COL14A1: variants seen among roughly 807,000 people sequenced by gnomAD.
COL14A1 encodes the protein collagen type XIV alpha 1 chain, also known as collagen alpha-1(XIV) chain.
Under a neutral mutation model 230.3 loss-of-function variants are expected in COL14A1, and 136 were observed. The ratio of observed to expected loss-of-function variants is 0.59; its 90% CI spans 0.51 to 0.68. The LOEUF is 0.68. Among genes scored for constraint, COL14A1 ranks in the 30% least tolerant of loss-of-function variants. COL14A1 has a pLI of 0.00. For missense variants in COL14A1, 1,976 were observed against 2,215.8 expected, an observed-to-expected ratio of 0.89 and a Z score of 2.17; for synonymous variants, 792 against 784.1, an observed-to-expected ratio of 1.01 and a Z score of -0.17.
At chr8:120,298,887 G>A (rs965832549) in intron 35 of COL14A1, among the ~76,000 whole-genome samples, 2 of 151,512 alleles carry the variant, frequency 1.3e-5, no homozygotes, top group South Asian at 2.1e-4. Flanking sequence ...AGTTTTGTAC[G>A]GCTGTGGAGG....
At chr8:120,140,217 C>T (rs190802548) in intron 1 of COL14A1, among the ~76,000 whole-genome samples, 3 of 152,304 alleles carry the variant, frequency 2.0e-5, no homozygotes, top group Admixed American at 2.0e-4. Flanking sequence ...ACCACCTGTG[C>T]TACCTTTCTG....
In COL14A1 at chr8:120,279,929, C is replaced by A. The variant is rs1819985259; in HGVS notation, c.3482-6C>A. The A allele has an allele frequency of 1.2e-6, 2 of 1,612,716 alleles. No individual in the cohort carries two copies. The highest frequency in any genetic ancestry group is 1.7e-5 in the Admixed American group (1 of 59,806). On this transcript the variant is annotated splice_region_variant and splice_polypyrimidine_tract_variant and intron_variant, in intron 28 of 47. Coordinates refer to ENST00000297848, the MANE Select transcript of COL14A1 (RefSeq NM_021110.4). ...TAATCGGAAATCTGTTCTCTGTCTG[C>A]CACAGGCTATAGCATTTTTGCAATT...
chr8:120,250,514 C>T (rs576235911), intron 21 of COL14A1, 103 bp from the exon 22 acceptor site: 64 of 1,256,596 alleles, frequency 5.1e-5, no homozygotes, highest in Admixed American at 1.3e-4. Flanking sequence ...GCTGTATAAT[C>T]CCAGGCAACT....
At chr8:120,167,367 A>G (rs1869830) in intron 4 of COL14A1, among the ~76,000 whole-genome samples, 97,729 of 152,064 alleles carry the variant, frequency 0.64, 31,749 homozygotes, top group African/African-American at 0.73. Context: ...GTAGCAATTA[A>G]TTGAAATACC....
At position 120,196,939 on chromosome 8, in the gene COL14A1, A is replaced by G. The variant is rs781319319; in HGVS notation, c.585A>G (p.Thr195=). Residue 195 remains threonine, a synonymous_variant, in exon 6 of 48, where the codon ACA becomes ACG. Coordinates refer to ENST00000297848, the MANE Select transcript of COL14A1 (RefSeq NM_021110.4). ...VTAFDVGSEK[T]RIGLAQYSGD... is the part of the protein sequence containing the mutation. Reference sequence around the variant, plus strand: ...CATTCGATGTGGGCTCAGAGAAGACACGAATTGGTATAATTTCTATTATTA... The same window carrying G: ...CATTCGATGTGGGCTCAGAGAAGACGCGAATTGGTATAATTTCTATTATTA... 1.9e-6 allele frequency: 3 copies of G among 1,613,876 alleles called. No individual in the cohort carries two copies. The highest frequency in any genetic ancestry group is 1.7e-6 in the Non-Finnish European group (2 of 1,179,882).
At chr8:120,371,073 TA>T in intron 47 of COL14A1, 78 bp from the exon 48 acceptor site, 1 of 1,273,410 alleles carries the variant, frequency 7.9e-7, no homozygotes, top group Non-Finnish European at 1.1e-6. Context: ...TCTGTGTCTC[TA>T]AGGACCCAGG....
chr8:120,130,489 C>A (rs1373934396), intron 1 of COL14A1, among the ~76,000 whole-genome samples: 1 of 152,068 alleles, frequency 6.6e-6, no homozygotes, highest in Non-Finnish European at 1.5e-5. Flanking sequence ...CTTATTCCTA[C>A]TTTACTGTTG....
chr8:120,208,425 A>G, intron 11 of COL14A1, 64 bp downstream of exon 11: 2 of 1,533,132 alleles, frequency 1.3e-6, no homozygotes, highest in South Asian at 1.2e-5. Flanking sequence ...CCTTTCTTAA[A>G]TTGAAATTCT....
Position 120,168,990 on chromosome 8 carries a change from G to C in COL14A1, c.436+743G>C, listed in dbSNP as rs564055248. On this transcript the variant is annotated intron_variant, in intron 5 of 47. Coordinates refer to ENST00000297848, the MANE Select transcript of COL14A1 (RefSeq NM_021110.4). ...CCTCCCTCAGCCTCCTGAGTAGCTG[G>C]GATTACAGGTGCGTGCCACCATGCC... Among the ~76,000 whole-genome samples, 3 of 152,130 alleles carry C rather than the reference G, an allele frequency of 2.0e-5. No homozygotes were observed. The South Asian group carries it at 6.2e-4, about 32-fold the overall frequency.
intron 35 of COL14A1, among the ~76,000 whole-genome samples, chr8:120,298,140 G>A (rs1820585900): frequency 6.6e-6 from 1 of 151,870 alleles, no homozygotes; most frequent in South Asian, 2.1e-4. Context: ...TTTCTACATT[G>A]CTTTTTTCAT....
chr8:120,170,080 C>G (rs755966887), intron 5 of COL14A1, among the ~76,000 whole-genome samples: 12 of 151,994 alleles, frequency 7.9e-5, no homozygotes, highest in Non-Finnish European at 1.5e-4. Context: ...GCTTATGTCT[C>G]CTTCTGTACA....
At chr8:120,264,490 C>A (rs754371664) in intron 24 of COL14A1, among the ~76,000 whole-genome samples, 15 of 152,098 alleles carry the variant, frequency 9.9e-5, no homozygotes, top group Non-Finnish European at 1.6e-4. Flanking sequence ...AAATTAAATA[C>A]CTACTCTCTT....
chr8:120,169,604 G>C (rs539827317), intron 5 of COL14A1, among the ~76,000 whole-genome samples: 8 of 151,660 alleles, frequency 5.3e-5, no homozygotes, highest in African/African-American at 1.9e-4. Context: ...ACATATTGTT[G>C]TATTTTTGCA....
Position 120,332,199 on chromosome 8 carries a change from G to T in COL14A1, c.4713+5G>T, listed in dbSNP as rs1211762745. 1 of 1,613,734 alleles carries T rather than the reference G, an allele frequency of 6.2e-7. No individual in the cohort carries two copies. Among genetic ancestry groups the T allele is most frequent in the Admixed American group, 1.7e-5 (1 of 60,012 alleles). ...CCAGGACCACCAGGGCCAATAGTAA[G>T]CCTTTCCAGAAACTACTGGGACATA... is the stretch of plus-strand genomic sequence containing the variant. On this transcript the variant is annotated splice_donor_5th_base_variant and intron_variant, in intron 41 of 47. Coordinates refer to ENST00000297848, the MANE Select transcript of COL14A1 (RefSeq NM_021110.4).
chr8:120,142,827 G>A (rs1814957331), intron 1 of COL14A1, among the ~76,000 whole-genome samples: 1 of 151,944 alleles, frequency 6.6e-6, no homozygotes, highest in African/African-American at 2.4e-5. Flanking sequence ...GACTGTGATT[G>A]GATATTTAAA....
At chr8:120,148,566 G>A (rs540397031) in intron 2 of COL14A1, among the ~76,000 whole-genome samples, 1 of 152,270 alleles carries the variant, frequency 6.6e-6, no homozygotes, top group South Asian at 2.1e-4. Flanking sequence ...TTTTACAGCT[G>A]TATTAATAAA....
intron 14 of COL14A1, among the ~76,000 whole-genome samples, chr8:120,224,862 T>C (rs1279316180): frequency 5.3e-5 from 8 of 152,210 alleles, no homozygotes. Context: ...GTGTCTGGAA[T>C]GAATGGAAAG....
chr8:120,188,236 T>C (rs1337010988), intron 5 of COL14A1, among the ~76,000 whole-genome samples: 7 of 151,944 alleles, frequency 4.6e-5, no homozygotes, highest in African/African-American at 1.7e-4. Flanking sequence ...GCACCCACTA[T>C]CATGCCCAGC....
At chr8:120,356,362 G>C (rs1380055545) in intron 45 of COL14A1, among the ~76,000 whole-genome samples, 1 of 152,232 alleles carries the variant, frequency 6.6e-6, no homozygotes, top group Non-Finnish European at 1.5e-5. Flanking sequence ...TTCAGATCCA[G>C]ATATGTATGA....
Sources: gnomAD v4.1 joint callset for allele counts (sites outside exome capture counted in the v4.1 genomes callset) on GRCh38, gnomAD v4.1.1 for gene constraint, MANE v1.5 for transcripts, NCBI Gene and HGNC (gene_info 2026-07-23, HGNC 2026-07-21) for gene names.